The following CD44 variants were observed in gnomAD, a reference collection of about 807,000 sequenced individuals.
CD44 encodes the protein CD44 molecule (IN blood group).
Under a neutral mutation model 88.8 loss-of-function variants are expected in CD44, and 49 were observed. The ratio of observed to expected loss-of-function variants is 0.55; its 90% CI spans 0.44 to 0.70. The LOEUF (loss-of-function observed/expected upper bound fraction) is 0.70, where lower values mean the gene tolerates loss of function less well. CD44 is among the 30% of genes least tolerant of loss of function. CD44 has a pLI of 0.00. For synonymous variants in CD44, 325 were observed against 312.3 expected (o/e 1.04, Z -0.43); for missense variants, 883 against 913.8 (o/e 0.97, Z 0.43).
intron 17 of CD44, among the ~76,000 whole-genome samples, chr11:35,226,773 T>TCAA (rs774374496): frequency 2.0e-5 from 3 of 152,144 alleles, no homozygotes; most frequent in Non-Finnish European, 4.4e-5. Context: ...CCTGGTATTA[T>TCAA]TGATGCAAAA....
intron 1 of CD44, among the ~76,000 whole-genome samples, chr11:35,160,243 A>G (rs1942429018): frequency 6.6e-6 from 1 of 152,214 alleles, no homozygotes; most frequent in African/African-American, 2.4e-5. Flanking sequence ...GCAATTTAGG[A>G]GGCTTCTCTC....
intron 1 of CD44, among the ~76,000 whole-genome samples, chr11:35,162,402 G>A (rs1942741071): frequency 6.6e-6 from 1 of 152,166 alleles, no homozygotes; most frequent in African/African-American, 2.4e-5. Context: ...TGCACACAAG[G>A]GTCATTTGTA....
intron 15 of CD44, among the ~76,000 whole-genome samples, chr11:35,217,941 G>A (rs1948971670): frequency 6.6e-6 from 1 of 152,046 alleles, no homozygotes; most frequent in African/African-American, 2.4e-5. Context: ...TAAAAAAATT[G>A]TTTATTTATT....
chr11:35,168,850 C>A (rs891415091), intron 1 of CD44, among the ~76,000 whole-genome samples: 2 of 152,126 alleles, frequency 1.3e-5, no homozygotes, highest in African/African-American at 4.8e-5. Context: ...GGAGATCTGG[C>A]CTCAGAAATG....
At chr11:35,139,514 G>A (rs536680796) in intron 1 of CD44, 144 bp downstream of exon 1, 261 of 798,338 alleles carry the variant, frequency 3.3e-4, no homozygotes, top group Non-Finnish European at 5.0e-4. Flanking sequence ...CGGAAAGCAG[G>A]GCTGGGATTT....
At chr11:35,202,022 T>TA (rs1236433743) in intron 9 of CD44, among the ~76,000 whole-genome samples, 2 of 152,362 alleles carry the variant, frequency 1.3e-5, no homozygotes, top group Middle Eastern at 3.4e-3. Flanking sequence ...TAGATCTAGA[T>TA]ACAATTTTTG....
In CD44 at chr11:35,229,151, G is replaced by T. The variant is rs1357373677; in HGVS notation, c.2047G>T (p.Val683Leu). The change falls in exon 18 of 18, where the codon GTG becomes TTG. Residue 683 changes from valine to leucine, a missense_variant. Physicochemically the swap from Val to Leu is conservative, Grantham distance 32 (BLOSUM62 1). Around this residue, in one of 2 missense-constraint regions of CD44, gnomAD observed 631 missense variants for 590.9 expected, o/e 1.07. Coordinates refer to ENST00000428726, the MANE Select transcript of CD44 (RefSeq NM_000610.4). ...RRRCGQKKKL[V>L]INSGNGAVED... The stretch of plus-strand genomic sequence containing the variant: ...TAGGTGTGGGCAGAAGAAAAAGCTA[G>T]TGATCAACAGTGGCAATGGAGCTGT... 1.2e-6 allele frequency: 2 copies of T among 1,613,820 alleles called. No homozygotes were observed. Among genetic ancestry groups the T allele is most frequent in the Admixed American group, 3.3e-5 (2 of 59,970 alleles).
intron 2 of CD44, among the ~76,000 whole-genome samples, chr11:35,177,399 G>T (rs1351926343): frequency 6.6e-6 from 1 of 152,168 alleles, no homozygotes; most frequent in African/African-American, 2.4e-5. Context: ...AATTTCCAAT[G>T]GCCTTGCGGT....
At chr11:35,219,578 T>G (rs1949121879) in intron 16 of CD44, among the ~76,000 whole-genome samples, 191 bp downstream of exon 16, 1 of 152,206 alleles carries the variant, frequency 6.6e-6, no homozygotes, top group South Asian at 2.1e-4. Flanking sequence ...GATGGAATAG[T>G]CTTTTCTTCC....
intron 3 of CD44, among the ~76,000 whole-genome samples, chr11:35,182,039 TTA>T (rs1381031483): frequency 2.3e-5 from 3 of 129,518 alleles, no homozygotes; most frequent in African/African-American, 8.7e-5. Flanking sequence ...ATATACACAT[TTA>T]TATATATAAA....
At chr11:35,156,394 G>T (rs1941866433) in intron 1 of CD44, among the ~76,000 whole-genome samples, 1 of 152,180 alleles carries the variant, frequency 6.6e-6, no homozygotes, top group South Asian at 2.1e-4. Context: ...GTTTAAAAAT[G>T]GACCTGAAGG....
intron 5 of CD44, among the ~76,000 whole-genome samples, chr11:35,194,658 G>A (rs1264832249): frequency 6.6e-6 from 1 of 152,170 alleles, no homozygotes; most frequent in Admixed American, 6.5e-5. Flanking sequence ...TGAGAATAGG[G>A]TCTTGTACCA....
At chr11:35,146,112 T>C (rs1044716510) in intron 1 of CD44, among the ~76,000 whole-genome samples, 2 of 152,142 alleles carry the variant, frequency 1.3e-5, no homozygotes, top group Non-Finnish European at 2.9e-5. Context: ...TCCCCGAGTT[T>C]GAGTTGCACT....
chr11:35,198,313 A>T, intron 7 of CD44, 67 bp downstream of exon 7: 1 of 1,450,448 alleles, frequency 6.9e-7, no homozygotes, highest in Non-Finnish European at 9.5e-7. Flanking sequence ...GTGATACCAA[A>T]TTGTATCTCT....
chr11:35,164,473 C>A (rs1212409565), intron 1 of CD44, among the ~76,000 whole-genome samples: 1 of 152,134 alleles, frequency 6.6e-6, no homozygotes, highest in Non-Finnish European at 1.5e-5. Flanking sequence ...CTAAAAGAGG[C>A]AAGAGGAAAG....
In CD44 at chr11:35,196,816, A is replaced by G. The variant is rs777462766; in HGVS notation, c.738A>G (p.Ser246=). 8 of 1,613,726 alleles carry G rather than the reference A, an allele frequency of 5.0e-6. No homozygotes were observed. The highest frequency in any genetic ancestry group is 5.1e-6 in the Non-Finnish European group (6 of 1,179,798). Residue 246 remains serine, a synonymous_variant, in exon 6 of 18, where the codon TCA becomes TCG. Transcript: ENST00000428726. ...TKRQETWDWF[S]WLFLPSESKN... ...GGCAAGAAACCTGGGATTGGTTTTCATGGTTGTTTCTACCATCAGAGTCAA... is the reference window on the plus strand; with the variant it reads ...GGCAAGAAACCTGGGATTGGTTTTCGTGGTTGTTTCTACCATCAGAGTCAA...
At chr11:35,227,186 G>A (rs1447222274) in intron 17 of CD44, among the ~76,000 whole-genome samples, 2 of 150,870 alleles carry the variant, frequency 1.3e-5, no homozygotes, top group Non-Finnish European at 3.0e-5. Flanking sequence ...CATTGTGCCT[G>A]GTCTCTTTTT....
chr11:35,139,681 G>A (rs1199759367), intron 1 of CD44: 6 of 618,408 alleles, frequency 9.7e-6, no homozygotes, highest in South Asian at 8.8e-5. Flanking sequence ...TCTCCCGGAT[G>A]CGCACAGTCG....
chr11:35,201,655 A>G lies in CD44; in HGVS notation c.1037-16A>G. Reference sequence around the variant, plus strand: ...TTGATAACAAGTCACAGTGTATTTAACCATCATCACAGCAGATGTAGACAG... The same window carrying G: ...TTGATAACAAGTCACAGTGTATTTAGCCATCATCACAGCAGATGTAGACAG... On this transcript the variant is annotated splice_polypyrimidine_tract_variant and intron_variant, in intron 8 of 17. Coordinates refer to ENST00000428726, the MANE Select transcript of CD44 (RefSeq NM_000610.4). 1 of 1,613,378 alleles carries G rather than the reference A, an allele frequency of 6.2e-7. No individual in the cohort carries two copies. The highest frequency in any genetic ancestry group is 8.5e-7 in the Non-Finnish European group (1 of 1,179,462).
Sources: allele counts gnomAD v4.1 joint callset (sites outside exome capture counted in the v4.1 genomes callset), GRCh38; gene constraint gnomAD v4.1.1; regional missense constraint gnomAD v4.1.1; transcripts MANE v1.5; gene names NCBI Gene and HGNC (gene_info 2026-07-23, HGNC 2026-07-21).